The following CCDC91 variants were observed in gnomAD, a reference collection of about 807,000 sequenced individuals.
CCDC91 encodes coiled-coil domain-containing protein 91.
Under a neutral mutation model 63.2 loss-of-function variants are expected in CCDC91, and 48 were observed. That is an observed-to-expected ratio of 0.76 (90% CI 0.60 to 0.97). CCDC91 has a LOEUF of 0.97. Among genes scored for constraint, CCDC91 ranks in the 50% least tolerant of loss-of-function variants. The pLI is 0.00. For synonymous variants in CCDC91, 167 were observed against 165.8 expected (o/e 1.01, Z -0.06); for missense variants, 500 against 494.6 (o/e 1.01, Z -0.10).
intron 1 of CCDC91, among the ~76,000 whole-genome samples, chr12:28,200,311 A>T (rs1451713007): frequency 7.4e-6 from 1 of 134,652 alleles, no homozygotes; most frequent in Non-Finnish European, 1.6e-5. Flanking sequence ...TTTATTGATT[A>T]TTCTTGGGTG....
At chr12:28,324,439 C>A (rs973680597) in intron 6 of CCDC91, among the ~76,000 whole-genome samples, 4 of 151,846 alleles carry the variant, frequency 2.6e-5, no homozygotes, top group Non-Finnish European at 5.9e-5. Context: ...TCTCTCAAAT[C>A]ATTAACATTC....
At chr12:28,197,408 CTCT>C (rs1941859054) in intron 1 of CCDC91, among the ~76,000 whole-genome samples, 1 of 152,150 alleles carries the variant, frequency 6.6e-6, no homozygotes, top group Non-Finnish European at 1.5e-5. Context: ...ACCACCTGTG[CTCT>C]TCTTTTGATA....
At chr12:28,315,341 T>G (rs961180399) in intron 6 of CCDC91, among the ~76,000 whole-genome samples, 1 of 151,980 alleles carries the variant, frequency 6.6e-6, no homozygotes, top group Non-Finnish European at 1.5e-5. Flanking sequence ...AATTTTTGTA[T>G]TTTTAGTAGA....
intron 6 of CCDC91, among the ~76,000 whole-genome samples, chr12:28,348,007 A>G (rs1329437395): frequency 6.6e-6 from 1 of 152,192 alleles, no homozygotes. Flanking sequence ...TAGACAACCA[A>G]GGTTTCAACT....
intron 12 of CCDC91, among the ~76,000 whole-genome samples, chr12:28,525,240 CT>C (rs1320451944): frequency 6.6e-6 from 1 of 152,044 alleles, no homozygotes; most frequent in Non-Finnish European, 1.5e-5. Context: ...GCGTTTAGGG[CT>C]GTAAACTTTC....
intron 12 of CCDC91, among the ~76,000 whole-genome samples, chr12:28,496,618 C>G (rs1489554957): frequency 1.3e-5 from 2 of 151,480 alleles, no homozygotes; most frequent in Non-Finnish European, 3.0e-5. Flanking sequence ...TTGGCTAATT[C>G]TAAAACTGAT....
At chr12:28,405,654 C>A (rs1946890131) in intron 8 of CCDC91, among the ~76,000 whole-genome samples, 1 of 152,096 alleles carries the variant, frequency 6.6e-6, no homozygotes, top group Non-Finnish European at 1.5e-5. Context: ...CTGAATAATT[C>A]TCTTCAAAGC....
chr12:28,360,440 A>G (rs1190640779), intron 6 of CCDC91, among the ~76,000 whole-genome samples: 2 of 152,188 alleles, frequency 1.3e-5, no homozygotes, highest in African/African-American at 4.8e-5. Flanking sequence ...ACAGGCTGGC[A>G]GAGGCAGTGC....
At chr12:28,305,175 C>A (rs1592257839) in intron 3 of CCDC91, among the ~76,000 whole-genome samples, 1 of 152,036 alleles carries the variant, frequency 6.6e-6, no homozygotes, top group Admixed American at 6.6e-5. Context: ...CCTACCGAGT[C>A]ATAAAGCCAT....
At chr12:28,294,500 C>T (rs902418946) in intron 3 of CCDC91, among the ~76,000 whole-genome samples, 3 of 152,088 alleles carry the variant, frequency 2.0e-5, no homozygotes, top group African/African-American at 7.2e-5. Flanking sequence ...GAAAAAGGTG[C>T]CTGCTTCCCC....
At chr12:28,232,857 T>C (rs1325639579) in intron 1 of CCDC91, among the ~76,000 whole-genome samples, 15 of 151,768 alleles carry the variant, frequency 9.9e-5, no homozygotes, top group Admixed American at 9.9e-4. Context: ...GGTGCATGCC[T>C]GTAATCCCAG....
intron 8 of CCDC91, among the ~76,000 whole-genome samples, chr12:28,405,854 A>G (rs1946902097): frequency 6.6e-6 from 1 of 152,202 alleles, no homozygotes; most frequent in Non-Finnish European, 1.5e-5. Context: ...CTATATATTT[A>G]GATAACAGAT....
chr12:28,477,116 T>C (rs757555138), intron 11 of CCDC91, among the ~76,000 whole-genome samples: 17 of 152,150 alleles, frequency 1.1e-4, no homozygotes, highest in Admixed American at 3.9e-4. Context: ...GCCTAACTCA[T>C]TTTATGAGGC....
At chr12:28,438,853 G>A (rs1177672916) in intron 8 of CCDC91, among the ~76,000 whole-genome samples, 1 of 152,106 alleles carries the variant, frequency 6.6e-6, no homozygotes, top group African/African-American at 2.4e-5. Context: ...TTGTACATAG[G>A]CACTCATAGG....
chr12:28,369,943 A>G (rs954214983), intron 7 of CCDC91, among the ~76,000 whole-genome samples: 3 of 152,106 alleles, frequency 2.0e-5, no homozygotes, highest in Admixed American at 6.5e-5. Context: ...CGGCCCTGAG[A>G]CCATCCCACA....
intron 3 of CCDC91, among the ~76,000 whole-genome samples, chr12:28,300,674 G>A (rs1364163883): frequency 6.6e-6 from 1 of 151,448 alleles, no homozygotes. Flanking sequence ...TATTGGGATT[G>A]TATTAAGCCT....
At chr12:28,431,347 G>A (rs1430041727) in intron 8 of CCDC91, among the ~76,000 whole-genome samples, 2 of 152,012 alleles carry the variant, frequency 1.3e-5, no homozygotes, top group Admixed American at 6.6e-5. Flanking sequence ...TACAATAATA[G>A]GTCTGTTAGT....
chr12:28,460,687 C>T (rs1382141440), intron 11 of CCDC91, among the ~76,000 whole-genome samples: 4 of 145,636 alleles, frequency 2.7e-5, no homozygotes, highest in African/African-American at 7.3e-5. Flanking sequence ...AAGCGTTTAG[C>T]CTTGAAAAGA....
intron 6 of CCDC91, among the ~76,000 whole-genome samples, chr12:28,359,872 A>T (rs1943765641): frequency 6.6e-6 from 1 of 152,196 alleles, no homozygotes; most frequent in African/African-American, 2.4e-5. Context: ...CTAGGTCCTT[A>T]CATGAGACAG....
Sources: allele counts gnomAD v4.1 joint callset (sites outside exome capture counted in the v4.1 genomes callset), GRCh38; gene constraint gnomAD v4.1.1; transcripts MANE v1.5; gene names NCBI Gene and HGNC (gene_info 2026-07-23, HGNC 2026-07-21).